GPR39: variants seen among roughly 807,000 people sequenced by gnomAD.
The protein encoded by GPR39 is G protein-coupled receptor 39.
A neutral mutation model predicts 18.4 loss-of-function variants in GPR39; 23 were observed. That is an observed-to-expected ratio of 1.25 (90% CI 0.90 to 1.77). The LOEUF (loss-of-function observed/expected upper bound fraction) is 1.77, where lower values mean the gene tolerates loss of function less well. Ranked by LOEUF, GPR39 falls within the 40% of genes most tolerant of loss-of-function variation. The pLI, the probability that GPR39 is intolerant of heterozygous loss-of-function variation, is 0.00. For synonymous variants in GPR39, 280 were observed against 257.9 expected (o/e 1.09, Z -0.82); for missense variants, 647 against 602.4 (o/e 1.07, Z -0.78).
At position 132,581,344 on chromosome 2, in the gene GPR39, T is replaced by A. The variant is rs777690062; in HGVS notation, c.857-63757T>A. Among the ~76,000 whole-genome samples the A allele has an allele frequency of 3.1e-3, 475 of 152,020 alleles. 2 individuals carry two copies. Among genetic ancestry groups the A allele is most frequent in the Non-Finnish European group, 4.9e-3 (333 of 67,952 alleles). Reference sequence around the variant, plus strand: ...TGGGGGAACGATAGTGACTTTTTTTTTTTTTTTGGAAGAGAATGATCTTGG... The same window carrying A: ...TGGGGGAACGATAGTGACTTTTTTTATTTTTTTGGAAGAGAATGATCTTGG... On this transcript the variant is annotated intron_variant, in intron 1 of 1. Transcript: ENST00000329321.
At chr2:132,564,283 C>T (rs1057387847) in intron 1 of GPR39, among the ~76,000 whole-genome samples, 3 of 152,186 alleles carry the variant, frequency 2.0e-5, no homozygotes, top group Non-Finnish European at 4.4e-5. Flanking sequence ...CCAAGCATCC[C>T]TGATTCCTGG....
At chr2:132,535,976 T>C (rs1381187392) in intron 1 of GPR39, among the ~76,000 whole-genome samples, 2 of 149,068 alleles carry the variant, frequency 1.3e-5, no homozygotes, top group African/African-American at 4.9e-5. Context: ...TTTATTAGTA[T>C]AGCTAGCAGT....
chr2:132,612,912 C>A (rs1472763644), intron 1 of GPR39, among the ~76,000 whole-genome samples: 1 of 152,106 alleles, frequency 6.6e-6, no homozygotes, highest in Non-Finnish European at 1.5e-5. Context: ...ATGTTTGTAA[C>A]CTCGAGTTTC....
At chr2:132,504,624 T>C (rs1240532130) in intron 1 of GPR39, among the ~76,000 whole-genome samples, 1 of 152,198 alleles carries the variant, frequency 6.6e-6, no homozygotes, top group Admixed American at 6.5e-5. Context: ...GACTGACTTA[T>C]GATTCTCTCA....
intron 1 of GPR39, among the ~76,000 whole-genome samples, chr2:132,493,943 A>G (rs1681586091): frequency 6.6e-6 from 1 of 152,098 alleles, no homozygotes; most frequent in African/African-American, 2.4e-5. Context: ...TAATAAATAC[A>G]CCAAAAACTT....
chr2:132,433,836 AT>A (rs1175264715), intron 1 of GPR39: 1 of 150,948 alleles, frequency 6.6e-6, no homozygotes, highest in Non-Finnish European at 1.5e-5. Context: ...TGCAGCTTTT[AT>A]GTTGGTGCAG....
At chr2:132,544,480 G>A (rs1573657766) in intron 1 of GPR39, among the ~76,000 whole-genome samples, 1 of 152,166 alleles carries the variant, frequency 6.6e-6, no homozygotes, top group Non-Finnish European at 1.5e-5. Flanking sequence ...CCTTGATGCA[G>A]GATTTTTCTC....
At chr2:132,631,605 T>C (rs1425506063) in intron 1 of GPR39, among the ~76,000 whole-genome samples, 1 of 152,214 alleles carries the variant, frequency 6.6e-6, no homozygotes, top group Non-Finnish European at 1.5e-5. Flanking sequence ...CAGTTGATTT[T>C]GTTTTTCTGC....
intron 1 of GPR39, among the ~76,000 whole-genome samples, chr2:132,555,956 T>C (rs776292137): frequency 1.3e-5 from 2 of 152,126 alleles, no homozygotes; most frequent in Non-Finnish European, 2.9e-5. Flanking sequence ...GAAACATAAA[T>C]TGCTGGGCCC....
chr2:132,608,771 C>A (rs1291591974), intron 1 of GPR39, among the ~76,000 whole-genome samples: 1 of 152,158 alleles, frequency 6.6e-6, no homozygotes, highest in Non-Finnish European at 1.5e-5. Context: ...CTTTAAGTAG[C>A]CATTAGCCCC....
At chr2:132,539,419 C>T (rs891659163) in intron 1 of GPR39, among the ~76,000 whole-genome samples, 6 of 152,016 alleles carry the variant, frequency 3.9e-5, no homozygotes, top group African/African-American at 7.3e-5. Flanking sequence ...TACCTTAGTT[C>T]GGAATGCAGA....
chr2:132,578,955 A>G (rs897173053), intron 1 of GPR39, among the ~76,000 whole-genome samples: 1 of 151,384 alleles, frequency 6.6e-6, no homozygotes, highest in African/African-American at 2.4e-5. Flanking sequence ...CAATTTCATT[A>G]ATTTCCTATT....
At chr2:132,552,996 G>T (rs750191538) in intron 1 of GPR39, among the ~76,000 whole-genome samples, 1 of 151,012 alleles carries the variant, frequency 6.6e-6, no homozygotes, top group Non-Finnish European at 1.5e-5. Context: ...GAGTGCAGTG[G>T]TTCCCTGCAA....
At chr2:132,643,797 G>A (rs1469905420) in intron 1 of GPR39, among the ~76,000 whole-genome samples, 1 of 152,164 alleles carries the variant, frequency 6.6e-6, no homozygotes, top group Non-Finnish European at 1.5e-5. Flanking sequence ...TGAGATATCA[G>A]GCATGCGCCA....
intron 1 of GPR39, among the ~76,000 whole-genome samples, chr2:132,621,298 CAGAG>C (rs1681436751): frequency 6.6e-6 from 1 of 152,180 alleles, no homozygotes. Context: ...CAGTGTCTCT[CAGAG>C]AGCAAGTTAA....
intron 1 of GPR39, among the ~76,000 whole-genome samples, chr2:132,537,485 G>C (rs2872944): frequency 0.48 from 71,746 of 150,442 alleles, 17,681 homozygotes; most frequent in East Asian, 0.85. Flanking sequence ...ACCTTTCTCT[G>C]TGGCTTCCCT....
intron 1 of GPR39, among the ~76,000 whole-genome samples, chr2:132,559,367 C>T (rs1680207009): frequency 6.6e-6 from 1 of 152,074 alleles, no homozygotes; most frequent in African/African-American, 2.4e-5. Flanking sequence ...GCTTGAATTA[C>T]AGCATTTTCT....
intron 1 of GPR39, among the ~76,000 whole-genome samples, chr2:132,545,008 G>A (rs1160462971): frequency 6.6e-6 from 1 of 152,222 alleles, no homozygotes; most frequent in Non-Finnish European, 1.5e-5. Context: ...TCAGCGGAAA[G>A]TACACCCAAG....
intron 1 of GPR39, among the ~76,000 whole-genome samples, chr2:132,428,807 C>G: frequency 6.6e-6 from 1 of 152,312 alleles, no homozygotes; most frequent in South Asian, 2.1e-4. Flanking sequence ...GTAGTTGTAA[C>G]AGGTGGGAAT....
Sources: gnomAD v4.1 joint callset for allele counts (sites outside exome capture counted in the v4.1 genomes callset) on GRCh38, gnomAD v4.1.1 for gene constraint, MANE v1.5 for transcripts, NCBI Gene and HGNC (gene_info 2026-07-23, HGNC 2026-07-21) for gene names.